The following GALNT13 variants were observed in gnomAD, a reference collection of about 807,000 sequenced individuals.
GALNT13 encodes UDP-GalNAc:polypeptide N-acetylgalactosaminyltransferase 13.
In GALNT13, 28 loss-of-function variants were observed where a neutral mutation model predicts 64.2. The ratio of observed to expected loss-of-function variants is 0.44; its 90% confidence interval spans 0.32 to 0.60. The LOEUF (loss-of-function observed/expected upper bound fraction) is 0.60. GALNT13 is among the 20% of genes least tolerant of loss of function. GALNT13 has a pLI of 0.05. For synonymous variants in GALNT13, 214 were observed against 224.6 expected (o/e 0.95, Z 0.42); for missense variants, 577 against 669.8 (o/e 0.86, Z 1.53).
chr2:153,758,588 G>A, the GALNT13 span, among the ~76,000 whole-genome samples: 1 of 151,974 alleles, frequency 6.6e-6, no homozygotes, highest in Non-Finnish European at 1.5e-5. Context: ...AATAGGGACA[G>A]TTTGTTTATT....
chr2:154,281,870 G>T (rs764705079), intron 8 of GALNT13, among the ~76,000 whole-genome samples: 1 of 151,484 alleles, frequency 6.6e-6, no homozygotes, highest in Non-Finnish European at 1.5e-5. Context: ...TAGGCCTTTG[G>T]AAAAGCAAAA....
chr2:154,370,959 G>A (rs1461871700), intron 9 of GALNT13, among the ~76,000 whole-genome samples: 11 of 152,056 alleles, frequency 7.2e-5, no homozygotes, highest in Non-Finnish European at 1.2e-4. Flanking sequence ...ACCAAAGATG[G>A]CTATAAAGTT....
At chr2:153,508,120 C>T in the GALNT13 span, among the ~76,000 whole-genome samples, 18 of 152,090 alleles carry the variant, frequency 1.2e-4, no homozygotes, top group Non-Finnish European at 2.9e-5. Flanking sequence ...TGTGTTTTTG[C>T]TTAGTGTACT....
chr2:153,561,174 T>TG, the GALNT13 span, among the ~76,000 whole-genome samples: 2 of 113,186 alleles, frequency 1.8e-5, no homozygotes, highest in African/African-American at 8.1e-5. Context: ...AGACTTTTAT[T>TG]GATTTTTTTT....
intron 3 of GALNT13, among the ~76,000 whole-genome samples, chr2:154,033,068 G>A (rs1419160698): frequency 6.6e-6 from 1 of 151,570 alleles, no homozygotes. Context: ...TTAAAAAGGT[G>A]CAGAAAATTC....
At chr2:153,257,228 G>A in the GALNT13 span, among the ~76,000 whole-genome samples, 1 of 152,144 alleles carries the variant, frequency 6.6e-6, no homozygotes, top group Non-Finnish European at 1.5e-5. Flanking sequence ...GGTGCCGTCT[G>A]TCACCCCTTT....
the GALNT13 span, among the ~76,000 whole-genome samples, chr2:153,292,800 T>A: frequency 3.9e-5 from 6 of 152,110 alleles, no homozygotes; most frequent in South Asian, 8.3e-4. Flanking sequence ...AAGAAAAGGT[T>A]ACCCATAACC....
chr2:153,581,868 C>A, the GALNT13 span, among the ~76,000 whole-genome samples: 3 of 152,058 alleles, frequency 2.0e-5, no homozygotes, highest in African/African-American at 7.2e-5. Flanking sequence ...ACATTTATTT[C>A]TTTTCTTATT....
intron 6 of GALNT13, among the ~76,000 whole-genome samples, chr2:154,244,880 G>A (rs939804963): frequency 2.6e-5 from 4 of 151,990 alleles, no homozygotes; most frequent in African/African-American, 9.7e-5. Context: ...CCAGCATTTG[G>A]GAGGCCAAGG....
the GALNT13 span, among the ~76,000 whole-genome samples, chr2:153,209,906 A>G: frequency 6.6e-6 from 1 of 152,038 alleles, no homozygotes; most frequent in African/African-American, 2.4e-5. Context: ...TTATCCCAAT[A>G]TTTCATGTTT....
chr2:153,652,840 A>G, the GALNT13 span, among the ~76,000 whole-genome samples: 1 of 152,178 alleles, frequency 6.6e-6, no homozygotes, highest in Non-Finnish European at 1.5e-5. Flanking sequence ...TTAATACTAA[A>G]TTATCAAAGA....
rs1363363336 is a variant in GALNT13, at chr2:154,369,127, A to G, written c.1157-26864A>G. Among the ~76,000 whole-genome samples, 3 of 152,052 alleles carry G rather than the reference A, an allele frequency of 2.0e-5. No individual in the cohort carries two copies. The East Asian group carries it at 5.8e-4, about 29-fold the overall frequency. On this transcript the variant is annotated intron_variant, in intron 9 of 12. Transcript: ENST00000392825. ...GAAAAAAAATGTTTCAAATAATGGT[A>G]ATATTAGGGAGACATATAAAAAATT...
At chr2:153,440,739 T>G in the GALNT13 span, among the ~76,000 whole-genome samples, 1 of 152,238 alleles carries the variant, frequency 6.6e-6, no homozygotes, top group Non-Finnish European at 1.5e-5. Context: ...GTTGGCCTCA[T>G]AAATGTCTTC....
At chr2:153,172,442 T>G in the GALNT13 span, among the ~76,000 whole-genome samples, 1 of 152,062 alleles carries the variant, frequency 6.6e-6, no homozygotes, top group African/African-American at 2.4e-5. Flanking sequence ...TTAAAGGACT[T>G]TTGGACAGAC....
At chr2:153,307,890 T>C in the GALNT13 span, among the ~76,000 whole-genome samples, 1 of 152,160 alleles carries the variant, frequency 6.6e-6, no homozygotes, top group Non-Finnish European at 1.5e-5. Context: ...TTCAGATGTA[T>C]AAATAACTCA....
At chr2:153,772,964 A>G in the GALNT13 span, among the ~76,000 whole-genome samples, 1,611 of 152,234 alleles carry the variant, frequency 0.011, 31 homozygotes, top group African/African-American at 0.036. Flanking sequence ...CCACTGGCTG[A>G]GCTCTGCAAT....
the GALNT13 span, among the ~76,000 whole-genome samples, chr2:153,141,264 G>T: frequency 6.6e-6 from 1 of 151,840 alleles, no homozygotes. Context: ...CACTTGTGTT[G>T]GAGTGACATC....
the GALNT13 span, among the ~76,000 whole-genome samples, chr2:153,449,333 A>G: frequency 1.5e-4 from 23 of 152,016 alleles, no homozygotes; most frequent in African/African-American, 4.3e-4. Context: ...CTTACTTCTC[A>G]CCATTTCCTT....
chr2:153,230,534 C>A, the GALNT13 span, among the ~76,000 whole-genome samples: 1 of 152,108 alleles, frequency 6.6e-6, no homozygotes, highest in Non-Finnish European at 1.5e-5. Context: ...CCAAATAATT[C>A]ATCATGATGT....
Sources: allele counts gnomAD v4.1 joint callset (sites outside exome capture counted in the v4.1 genomes callset), GRCh38; gene constraint gnomAD v4.1.1; transcripts MANE v1.5; gene names NCBI Gene and HGNC (gene_info 2026-07-23, HGNC 2026-07-21).